UBAC2: variants seen among roughly 807,000 people sequenced by gnomAD.
UBAC2 encodes the protein UBA domain containing 2, also known as ubiquitin-associated domain-containing protein 2.
UBAC2 carries 26 observed loss-of-function variants against 44.0 expected under a neutral mutation model. That is an observed-to-expected ratio of 0.59 (90% confidence interval 0.43 to 0.82). The LOEUF is 0.82. UBAC2 is among the 40% of genes least tolerant of loss of function. The probability of loss-of-function intolerance (pLI) is 0.00; values close to 1 mark genes in which losing one functional copy is unlikely to be tolerated. For synonymous variants in UBAC2, 155 were observed against 154.3 expected (o/e 1.00, Z -0.04); for missense variants, 329 against 419.4 (o/e 0.78, Z 1.88).
chr13:99,355,143 C>A (rs569822808), intron 7 of UBAC2, among the ~76,000 whole-genome samples: 2 of 152,242 alleles, frequency 1.3e-5, no homozygotes, highest in South Asian at 4.2e-4. Flanking sequence ...AGGAGTTTCA[C>A]CTCTGTTTCT....
intron 4 of UBAC2, among the ~76,000 whole-genome samples, chr13:99,247,195 GT>G (rs397947831): frequency 0.016 from 1,567 of 95,350 alleles, 30 homozygotes; most frequent in African/African-American, 0.042. Context: ...GAAAACTACT[GT>G]TTTTTTTTTT....
intron 1 of UBAC2, among the ~76,000 whole-genome samples, chr13:99,212,661 A>G (rs1281532567): frequency 1.3e-5 from 2 of 152,252 alleles, no homozygotes; most frequent in African/African-American, 2.4e-5. Context: ...GACATAAAAT[A>G]TAGGGAAAAA....
intron 6 of UBAC2, among the ~76,000 whole-genome samples, chr13:99,327,580 G>A (rs948847467): frequency 2.6e-5 from 4 of 152,030 alleles, no homozygotes; most frequent in Non-Finnish European, 5.9e-5. Flanking sequence ...CCTCTGGGAA[G>A]GGACTATGGT....
At chr13:99,356,153 G>A (rs2045178615) in intron 7 of UBAC2, 2 of 534,552 alleles carry the variant, frequency 3.7e-6, no homozygotes, top group Admixed American at 1.9e-5. Flanking sequence ...AGCATCCCTT[G>A]CAGGGGCTGT....
chr13:99,294,016 A>G (rs904710940), intron 4 of UBAC2, among the ~76,000 whole-genome samples: 1 of 152,198 alleles, frequency 6.6e-6, no homozygotes, highest in Admixed American at 6.5e-5. Flanking sequence ...CTACCTGGAA[A>G]GGTCATGCTA....
chr13:99,346,456 C>T (rs545223583), intron 7 of UBAC2, among the ~76,000 whole-genome samples: 12 of 152,290 alleles, frequency 7.9e-5, no homozygotes, highest in Admixed American at 1.3e-4. Context: ...GCTATGTGGC[C>T]GCATCTCCTT....
chr13:99,247,456 C>A (rs1377036377), intron 4 of UBAC2, among the ~76,000 whole-genome samples: 1 of 151,784 alleles, frequency 6.6e-6, no homozygotes. Flanking sequence ...CCTCGTGATC[C>A]GCCCGCCTCG....
chr13:99,326,629 A>G (rs1340694506), intron 6 of UBAC2, among the ~76,000 whole-genome samples: 2 of 152,146 alleles, frequency 1.3e-5, no homozygotes, highest in Admixed American at 1.3e-4. Context: ...TGTGTTCTCT[A>G]TAGTGGTAGA....
intron 1 of UBAC2, chr13:99,201,511 G>A (rs778616059): frequency 6.2e-7 from 1 of 1,614,198 alleles, no homozygotes; most frequent in Non-Finnish European, 8.5e-7. Context: ...TGGCGAGGGA[G>A]CGCAGCTGTG....
chr13:99,210,478 CTT>C (rs67744400), intron 1 of UBAC2, among the ~76,000 whole-genome samples: 118 of 112,588 alleles, frequency 1.0e-3, no homozygotes, highest in Non-Finnish European at 1.3e-3. Flanking sequence ...TTTTTCTTTT[CTT>C]TTTTTTTTTT....
chr13:99,234,695 T>G (rs757813230), intron 1 of UBAC2, among the ~76,000 whole-genome samples: 2 of 152,180 alleles, frequency 1.3e-5, no homozygotes, highest in African/African-American at 2.4e-5. Context: ...TTCCCATGGA[T>G]TAGCTCAGCA....
intron 7 of UBAC2, among the ~76,000 whole-genome samples, chr13:99,355,619 A>G (rs1244749085): frequency 6.6e-6 from 1 of 152,148 alleles, no homozygotes; most frequent in Non-Finnish European, 1.5e-5. Context: ...ACCAAACCAA[A>G]ACACAGGAAA....
chr13:99,317,254 C>T (rs1026463852), intron 5 of UBAC2, among the ~76,000 whole-genome samples: 3 of 152,176 alleles, frequency 2.0e-5, no homozygotes, highest in Admixed American at 6.5e-5. Context: ...TCTTCTTCCA[C>T]AATCAGAAGT....
At chr13:99,254,774 T>TC in intron 4 of UBAC2, 1 of 829,962 alleles carries the variant, frequency 1.2e-6, no homozygotes, top group Non-Finnish European at 1.8e-6. Context: ...ATTTATTTTT[T>TC]CAAGAGAAAA....
intron 7 of UBAC2, chr13:99,351,359 G>C (rs956950105): frequency 2.8e-6 from 1 of 354,702 alleles, no homozygotes; most frequent in Admixed American, 3.8e-5. Context: ...ACCTGTTTTT[G>C]TACAATCTGA....
At chr13:99,332,480 C>T (rs147614491) in intron 6 of UBAC2, among the ~76,000 whole-genome samples, 111 of 152,286 alleles carry the variant, frequency 7.3e-4, no homozygotes, top group African/African-American at 2.6e-3. Context: ...CATTCTCAGA[C>T]TTACAGGGTC....
intron 4 of UBAC2, among the ~76,000 whole-genome samples, chr13:99,254,462 A>G (rs2043503991): frequency 1.3e-5 from 2 of 152,204 alleles, no homozygotes; most frequent in African/African-American, 4.8e-5. Flanking sequence ...AATTTCTTAT[A>G]TAGGAATTCT....
intron 4 of UBAC2, among the ~76,000 whole-genome samples, chr13:99,265,460 A>G (rs924877371): frequency 6.6e-6 from 1 of 152,238 alleles, no homozygotes; most frequent in Non-Finnish European, 1.5e-5. Context: ...TGCTCTTCTA[A>G]CATGAATGGA....
At chr13:99,279,528 A>G (rs969353886) in intron 4 of UBAC2, among the ~76,000 whole-genome samples, 1 of 152,208 alleles carries the variant, frequency 6.6e-6, no homozygotes, top group Non-Finnish European at 1.5e-5. Flanking sequence ...ATGATTTGAT[A>G]CCTGCCACCT....
Sources: gnomAD v4.1 joint callset for allele counts (sites outside exome capture counted in the v4.1 genomes callset) on GRCh38, gnomAD v4.1.1 for gene constraint, MANE v1.5 for transcripts, NCBI Gene and HGNC (gene_info 2026-07-23, HGNC 2026-07-21) for gene names.